Variants in SCN1A observed in about 807,000 individuals in gnomAD.
The protein encoded by SCN1A is sodium voltage-gated channel alpha subunit 1, also known as sodium channel protein type 1 subunit alpha.
Under a neutral mutation model 193.7 loss-of-function variants are expected in SCN1A, and 13 were observed. The observed-to-expected ratio is 0.07, with a 90% CI of 0.04 to 0.11. SCN1A has a LOEUF of 0.11. SCN1A is among the 10% of genes least tolerant of loss of function. The pLI is 1.00. For missense variants in SCN1A, 1,432 were observed against 2,451.1 expected (o/e 0.58, Z 8.78); for synonymous variants, 781 against 843.6 (o/e 0.93, Z 1.29).
At chr2:166,069,168 G>A (rs1684154832) in intron 4 of SCN1A, among the ~76,000 whole-genome samples, 1 of 152,158 alleles carries the variant, frequency 6.6e-6, no homozygotes, top group South Asian at 2.1e-4. Flanking sequence ...CTGGAATCAT[G>A]TTCTAAAGAC....
chr2:166,017,492 A>C (rs1446274497), intron 19 of SCN1A, among the ~76,000 whole-genome samples: 1 of 152,010 alleles, frequency 6.6e-6, no homozygotes, highest in African/African-American at 2.4e-5. Context: ...CATTACACAG[A>C]TTCATCATTT....
At chr2:166,098,984 A>T (rs1687718169) in intron 2 of SCN1A, among the ~76,000 whole-genome samples, 3 of 152,198 alleles carry the variant, frequency 2.0e-5, no homozygotes, top group African/African-American at 7.2e-5. Flanking sequence ...TACCAATGTC[A>T]TTTTTCACAG....
intron 2 of SCN1A, among the ~76,000 whole-genome samples, chr2:166,108,551 G>A (rs931732890): frequency 6.6e-6 from 1 of 152,056 alleles, no homozygotes; most frequent in Non-Finnish European, 1.5e-5. Context: ...AAAGTGGAAA[G>A]CACCCAAATG....
chr2:166,078,584 A>G (rs1685202418), intron 2 of SCN1A, among the ~76,000 whole-genome samples: 1 of 151,738 alleles, frequency 6.6e-6, no homozygotes, highest in Non-Finnish European at 1.5e-5. Context: ...AGTACAATGG[A>G]AGAAATGTTT....
At chr2:166,114,917 G>A (rs1383427741) in intron 2 of SCN1A, among the ~76,000 whole-genome samples, 1 of 152,042 alleles carries the variant, frequency 6.6e-6, no homozygotes, top group African/African-American at 2.4e-5. Context: ...TATTATTGTG[G>A]GGAAAATCAC....
chr2:166,110,019 A>G (rs567646685), intron 2 of SCN1A, among the ~76,000 whole-genome samples: 86 of 152,304 alleles, frequency 5.6e-4, no homozygotes, highest in Admixed American at 1.6e-3. Flanking sequence ...CTAAAAGAGT[A>G]TAATTGGAAT....
chr2:166,080,380 G>A (rs1376396663), intron 2 of SCN1A, among the ~76,000 whole-genome samples: 2 of 151,748 alleles, frequency 1.3e-5, no homozygotes, highest in East Asian at 3.8e-4. Context: ...CAAAGAGAGA[G>A]GCCTTTTCAA....
Position 166,004,613 on chromosome 2 carries a change from G to A in SCN1A, c.4003-1860C>T, listed in dbSNP as rs1691400423. ...TTGAAAGTTATTTATTGGCTCTCTG[G>A]TAACTAACAAATATTTTTCTTACCT... On this transcript the variant is annotated intron_variant, in intron 23 of 28. Coordinates refer to ENST00000674923, the MANE Select transcript of SCN1A (RefSeq NM_001165963.4). Among the ~76,000 whole-genome samples the A allele has an allele frequency of 2.6e-5, 4 of 151,394 alleles. No individual in the cohort carries two copies. The South Asian group carries it at 8.3e-4, about 31-fold the overall frequency.
At chr2:166,076,483 G>T (rs190028877) in intron 3 of SCN1A, among the ~76,000 whole-genome samples, 31 of 151,840 alleles carry the variant, frequency 2.0e-4, no homozygotes, top group African/African-American at 7.5e-4. Context: ...TGAACTAAAG[G>T]TTTAATTTAA....
At chr2:166,120,226 A>G in intron 2 of SCN1A, among the ~76,000 whole-genome samples, 2 of 149,782 alleles carry the variant, frequency 1.3e-5, no homozygotes. Flanking sequence ...TCCTTTATGT[A>G]TTACTTTTAT....
intron 1 of SCN1A, among the ~76,000 whole-genome samples, chr2:166,141,667 A>G (rs1692089952): frequency 6.6e-6 from 1 of 152,188 alleles, no homozygotes; most frequent in African/African-American, 2.4e-5. Context: ...TGGATATACC[A>G]AAGTTTATTT....
rs1403551618 is a variant in SCN1A, at chr2:166,145,223, G to A, written c.-50+3824C>T. On this transcript the variant is annotated intron_variant, in intron 1 of 26. Coordinates refer to the SCN1A transcript ENST00000635750. ...CGTCCAGGCTGGAGTGCAGTGGTGC[G>A]ATCTCAGGATTTCACTGTGTTAGCC... Among the ~76,000 whole-genome samples the A allele has an allele frequency of 1.4e-4, 12 of 88,202 alleles. 1 individual carries two copies. The highest frequency in any genetic ancestry group is 4.1e-4 in the African/African-American group (7 of 17,222). The allele number at this position is 88,202 out of a possible 152,430, so 57.9% of individuals were successfully genotyped here.
intron 2 of SCN1A, among the ~76,000 whole-genome samples, chr2:166,097,492 A>G (rs967535222): frequency 3.9e-5 from 6 of 152,162 alleles, no homozygotes; most frequent in African/African-American, 1.2e-4. Context: ...GAGATCTGCT[A>G]TATGTTTAAA....
intron 2 of SCN1A, among the ~76,000 whole-genome samples, chr2:166,119,067 G>A (rs535191877): frequency 3.3e-5 from 5 of 152,208 alleles, no homozygotes; most frequent in East Asian, 1.9e-4. Context: ...ATCTAATGCC[G>A]CCACTGATCT....
rs1265251133 is a variant in SCN1A, at chr2:166,073,673, A to G, written c.-49-3T>C. Reference sequence around the variant, plus strand: ...CATTTATTCTGCATATGAAATTCCTAAAATAAAAGGAATACAGATATTTTA... The same window carrying G: ...CATTTATTCTGCATATGAAATTCCTGAAATAAAAGGAATACAGATATTTTA... On this transcript the variant is annotated splice_region_variant and splice_polypyrimidine_tract_variant and intron_variant, in intron 3 of 28. Coordinates refer to ENST00000674923, the MANE Select transcript of SCN1A (RefSeq NM_001165963.4). 4 of 1,584,772 alleles carry G rather than the reference A, an allele frequency of 2.5e-6. No individual in the cohort carries two copies. The highest frequency in any genetic ancestry group is 3.5e-6 in the Non-Finnish European group (4 of 1,155,982).
In SCN1A at chr2:166,103,068, G is replaced by GAGAT. The variant is rs1553571676; in HGVS notation, c.-142+23855_-142+23856insATCT. 7.4e-4 allele frequency among the ~76,000 whole-genome samples: 111 copies of GAGAT among 149,114 alleles called. 1 individual carries two copies. The highest frequency in any genetic ancestry group is 2.7e-3 in the African/African-American group (109 of 40,664). On this transcript the variant is annotated intron_variant, in intron 2 of 28. Transcript: ENST00000674923. ...TTCAAGCCTGACTTTAGATTTGGGA[G>GAGAT]ATATATATATATATATATGACGGTT...
intron 4 of SCN1A, among the ~76,000 whole-genome samples, chr2:166,059,164 A>G (rs1324370957): frequency 2.6e-5 from 4 of 152,306 alleles, no homozygotes; most frequent in South Asian, 2.1e-4. Context: ...TTTACCATCT[A>G]TCCTCATAAA....
rs61002916 is a variant in SCN1A at position 166,118,302 on chromosome 2, CTTTTTTTTTTT to C, written c.-142+8611_-142+8621del. Among the ~76,000 whole-genome samples the C allele has an allele frequency of 4.1e-4, 33 of 81,116 alleles. 1 individual carries two copies. Among genetic ancestry groups the C allele is most frequent in the Non-Finnish European group, 4.8e-4 (22 of 46,176 alleles). 53.2% of individuals were successfully genotyped at this position (81,116 alleles called of 152,430 possible). A position where few individuals can be genotyped will look rare whatever the true frequency, so the allele number is the denominator to read the frequency against. The stretch of plus-strand genomic sequence containing the variant: ...TTGCTTACTGATTTCTATTTAGTTT[CTTTTTTTTTTT>C]TTTTTTTTTTTTTTTTTGAGAAAGC... On this transcript the variant is annotated intron_variant, in intron 2 of 28. Coordinates refer to ENST00000674923, the MANE Select transcript of SCN1A (RefSeq NM_001165963.4).
At chr2:166,103,955 C>A (rs552690713) in intron 2 of SCN1A, among the ~76,000 whole-genome samples, 1 of 152,206 alleles carries the variant, frequency 6.6e-6, no homozygotes, top group Non-Finnish European at 1.5e-5. Flanking sequence ...TTGTCTGACT[C>A]TAGCCCTAGT....
Sources: gnomAD v4.1 joint callset for allele counts (sites outside exome capture counted in the v4.1 genomes callset) on GRCh38, gnomAD v4.1.1 for gene constraint, MANE v1.5 for transcripts, NCBI Gene and HGNC (gene_info 2026-07-23, HGNC 2026-07-21) for gene names.